MARCHF1: variants seen among roughly 807,000 people sequenced by gnomAD.
MARCHF1 encodes the protein membrane associated ring-CH-type finger 1.
In MARCHF1, 40 loss-of-function variants were observed where a neutral mutation model predicts 54.2. The ratio of observed to expected loss-of-function variants is 0.74; its 90% CI spans 0.57 to 0.96. MARCHF1 has a LOEUF of 0.96. MARCHF1 is among the 40% of genes least tolerant of loss of function. The pLI is 0.00. For synonymous variants in MARCHF1, 236 were observed against 236.3 expected (o/e 1.00, Z 0.01); for missense variants, 586 against 656.5 (o/e 0.89, Z 1.17).
At chr4:164,280,982 T>C (rs1212620797) in intron 1 of MARCHF1, among the ~76,000 whole-genome samples, 4 of 152,154 alleles carry the variant, frequency 2.6e-5, no homozygotes, top group Non-Finnish European at 5.9e-5. Flanking sequence ...GAGGACTGAA[T>C]GGAATGTCTT....
intron 3 of MARCHF1, among the ~76,000 whole-genome samples, chr4:163,948,062 T>A (rs759539981): frequency 1.2e-4 from 19 of 152,340 alleles, no homozygotes; most frequent in Middle Eastern, 3.4e-3. Flanking sequence ...TTCTCACCAA[T>A]CTATCTTGTT....
At chr4:163,660,497 C>A (rs1159385190) in intron 5 of MARCHF1, among the ~76,000 whole-genome samples, 1 of 151,728 alleles carries the variant, frequency 6.6e-6, no homozygotes, top group African/African-American at 2.4e-5. Context: ...ATGCAGCAGT[C>A]CACCATGGCA....
chr4:163,732,753 T>C (rs1379265068), intron 4 of MARCHF1, among the ~76,000 whole-genome samples: 1 of 152,126 alleles, frequency 6.6e-6, no homozygotes, highest in African/African-American at 2.4e-5. Context: ...CTTTCAACTA[T>C]ACTTTTACCC....
intron 4 of MARCHF1, among the ~76,000 whole-genome samples, chr4:163,852,727 T>C (rs919146784): frequency 2.0e-5 from 3 of 152,188 alleles, no homozygotes; most frequent in African/African-American, 7.2e-5. Flanking sequence ...GAAAGCCTAT[T>C]CTTTCAGATG....
chr4:164,360,096 C>T (rs1257549561), intron 1 of MARCHF1, among the ~76,000 whole-genome samples: 1 of 152,080 alleles, frequency 6.6e-6, no homozygotes, highest in African/African-American at 2.4e-5. Context: ...TTATCTCATT[C>T]ATTGTCCTTG....
chr4:163,918,702 T>G (rs1392795868), intron 3 of MARCHF1, among the ~76,000 whole-genome samples: 1 of 152,156 alleles, frequency 6.6e-6, no homozygotes, highest in Non-Finnish European at 1.5e-5. Context: ...TCATTTATTT[T>G]TATATAGTTG....
At chr4:163,840,163 G>A (rs1164430369) in intron 4 of MARCHF1, among the ~76,000 whole-genome samples, 1 of 152,052 alleles carries the variant, frequency 6.6e-6, no homozygotes, top group Non-Finnish European at 1.5e-5. Context: ...TGATACAGAA[G>A]TGAAATAAAT....
At chr4:163,907,467 T>C (rs1751094930) in intron 3 of MARCHF1, among the ~76,000 whole-genome samples, 1 of 152,120 alleles carries the variant, frequency 6.6e-6, no homozygotes, top group Non-Finnish European at 1.5e-5. Flanking sequence ...ATCTTATTAC[T>C]TCCTTTGTCT....
At chr4:163,700,764 C>A in intron 5 of MARCHF1, 49 bp downstream of exon 5, 1 of 1,318,832 alleles carries the variant, frequency 7.6e-7, no homozygotes, top group African/African-American at 1.5e-5. Context: ...TTTATGTGAA[C>A]TCATGAAGTG....
intron 4 of MARCHF1, among the ~76,000 whole-genome samples, chr4:163,762,158 T>A (rs1185637943): frequency 6.6e-6 from 1 of 152,174 alleles, no homozygotes; most frequent in East Asian, 1.9e-4. Flanking sequence ...CTCTCTTCCT[T>A]AAATTGTATT....
Position 163,527,933 on chromosome 4 carries a change from G to C in MARCHF1, c.*815C>G, listed in dbSNP as rs1391898712. On this transcript the variant is annotated 3_prime_UTR_variant, in exon 10 of 10. Coordinates refer to ENST00000514618, the MANE Select transcript of MARCHF1 (RefSeq NM_001394959.1). ...ATTTATTTTTACTTTTTAAAATAGG[G>C]CTACTGGGAAGTTAAATATTTGCAT... 1 of 152,370 alleles carries C rather than the reference G, an allele frequency of 6.6e-6. No homozygotes were observed. Among genetic ancestry groups the C allele is most frequent in the African/African-American group, 2.4e-5 (1 of 41,394 alleles). 9.4% of individuals were successfully genotyped at this position (152,370 alleles called of 1,614,324 possible).
rs150659079 is a variant in MARCHF1, at chr4:163,741,904, A to C, written c.112-41041T>G. 6.8e-3 allele frequency among the ~76,000 whole-genome samples: 1,039 copies of C among 152,310 alleles called. 4 individuals are homozygous for C. Among genetic ancestry groups the C allele is most frequent in the Non-Finnish European group, 9.9e-3 (675 of 68,020 alleles). Reference sequence around the variant, plus strand: ...CATTTTAATGTTTTCCATTATGATAATATGTATATTTATATAAAACATACA... The same window carrying C: ...CATTTTAATGTTTTCCATTATGATACTATGTATATTTATATAAAACATACA... On this transcript the variant is annotated intron_variant, in intron 4 of 9. Transcript: ENST00000514618.
At chr4:163,610,111 G>A (rs891968457) in intron 7 of MARCHF1, among the ~76,000 whole-genome samples, 7 of 151,626 alleles carry the variant, frequency 4.6e-5, no homozygotes, top group African/African-American at 1.7e-4. Flanking sequence ...TCTTCTTTAG[G>A]GGTTTTCTAG....
chr4:163,821,220 C>T (rs920901855), intron 4 of MARCHF1, among the ~76,000 whole-genome samples: 8 of 151,988 alleles, frequency 5.3e-5, no homozygotes, highest in African/African-American at 1.9e-4. Context: ...CTTCAAATCT[C>T]AACACAAGTG....
At chr4:164,338,400 A>G (rs186881179) in intron 1 of MARCHF1, among the ~76,000 whole-genome samples, 5 of 152,342 alleles carry the variant, frequency 3.3e-5, no homozygotes, top group Admixed American at 1.3e-4. Flanking sequence ...AAAATAATCA[A>G]TAAAATGATT....
At chr4:163,720,387 A>T (rs1389690666) in intron 4 of MARCHF1, among the ~76,000 whole-genome samples, 2 of 152,098 alleles carry the variant, frequency 1.3e-5, no homozygotes, top group Non-Finnish European at 2.9e-5. Context: ...ATTGGTCTAT[A>T]TCTCTGTTTT....
At chr4:163,986,995 A>AT (rs778989460) in intron 3 of MARCHF1, among the ~76,000 whole-genome samples, 1 of 152,206 alleles carries the variant, frequency 6.6e-6, no homozygotes, top group Non-Finnish European at 1.5e-5. Context: ...ATTATCTTAA[A>AT]TTTATCCAGA....
chr4:163,726,227 T>C (rs1222605122), intron 4 of MARCHF1, among the ~76,000 whole-genome samples: 2 of 152,176 alleles, frequency 1.3e-5, no homozygotes, highest in Admixed American at 1.3e-4. Flanking sequence ...TAGTATTATA[T>C]GTTAATAGTT....
intron 2 of MARCHF1, among the ~76,000 whole-genome samples, chr4:164,005,170 G>C (rs1753261727): frequency 6.6e-6 from 1 of 151,782 alleles, no homozygotes; most frequent in Admixed American, 6.6e-5. Flanking sequence ...TAAAAATTAT[G>C]ATCAATTTTA....
Sources: allele counts gnomAD v4.1 joint callset (sites outside exome capture counted in the v4.1 genomes callset), GRCh38; gene constraint gnomAD v4.1.1; transcripts MANE v1.5; gene names NCBI Gene and HGNC (gene_info 2026-07-23, HGNC 2026-07-21).